The following ERBB4 variants were observed in gnomAD, a reference collection of about 807,000 sequenced individuals.
ERBB4 encodes erb-b2 receptor tyrosine kinase 4.
Under a neutral mutation model 158.0 loss-of-function variants are expected in ERBB4, and 42 were observed. That is an observed-to-expected ratio of 0.27 (90% confidence interval 0.21 to 0.34). ERBB4 has a LOEUF of 0.34. Ranked by LOEUF, ERBB4 falls within the 10% of genes least tolerant of loss-of-function variation. The probability of loss-of-function intolerance (pLI) is 1.00; values close to 1 mark genes in which losing one functional copy is unlikely to be tolerated. For synonymous variants in ERBB4, 583 were observed against 558.7 expected (o/e 1.04, Z -0.61); for missense variants, 1,333 against 1,624.1 (o/e 0.82, Z 3.08).
At chr2:212,052,893 C>A (rs1559393242) in intron 2 of ERBB4, among the ~76,000 whole-genome samples, 1 of 152,176 alleles carries the variant, frequency 6.6e-6, no homozygotes, top group Non-Finnish European at 1.5e-5. Context: ...TCTGTTCTCC[C>A]ATTTGACATC....
At position 211,657,847 on chromosome 2, in the gene ERBB4, C is replaced by A; in HGVS notation, c.1872-19G>T. On this transcript the variant is annotated intron_variant, in intron 15 of 27. Transcript: ENST00000342788. Reference sequence around the variant, plus strand: ...GTTACACCTGCAGGCAATTACAGAACAGAAAACATCATTCTCCATCCACAG... The same window carrying A: ...GTTACACCTGCAGGCAATTACAGAAAAGAAAACATCATTCTCCATCCACAG... 6.2e-7 allele frequency: 1 copy of A among 1,611,692 alleles called. No homozygotes were observed. Among genetic ancestry groups the A allele is most frequent in the South Asian group, 1.1e-5 (1 of 91,036 alleles).
chr2:211,502,419 T>C (rs2065640071), intron 20 of ERBB4, among the ~76,000 whole-genome samples: 2 of 152,192 alleles, frequency 1.3e-5, no homozygotes, highest in Admixed American at 1.3e-4. Flanking sequence ...TCATATTGAT[T>C]ACTCTTAACT....
intron 19 of ERBB4, among the ~76,000 whole-genome samples, chr2:211,587,289 A>T (rs1354843832): frequency 6.6e-6 from 1 of 152,112 alleles, no homozygotes; most frequent in South Asian, 2.1e-4. Flanking sequence ...CGGGAGGCAG[A>T]GGCTGCAGTG....
chr2:211,423,941 A>G (rs1474822768), intron 23 of ERBB4, among the ~76,000 whole-genome samples: 1 of 152,020 alleles, frequency 6.6e-6, no homozygotes, highest in Non-Finnish European at 1.5e-5. Context: ...GGAGATTATA[A>G]GAATAAAAGA....
At chr2:211,431,840 G>C (rs968790005) in intron 20 of ERBB4, among the ~76,000 whole-genome samples, 1 of 152,082 alleles carries the variant, frequency 6.6e-6, no homozygotes, top group Non-Finnish European at 1.5e-5. Flanking sequence ...TTAGCAGCAA[G>C]AGACATAGCT....
chr2:212,081,195 A>C (rs148126725), intron 2 of ERBB4, among the ~76,000 whole-genome samples: 161 of 152,258 alleles, frequency 1.1e-3, no homozygotes, highest in Non-Finnish European at 1.7e-3. Flanking sequence ...AGCAAATAAA[A>C]AGACGGGTGG....
intron 1 of ERBB4, among the ~76,000 whole-genome samples, chr2:212,512,347 T>A (rs1368407871): frequency 6.8e-6 from 1 of 147,876 alleles, no homozygotes; most frequent in Non-Finnish European, 1.5e-5. Context: ...TACACACAAA[T>A]ATATATATAT....
intron 4 of ERBB4, among the ~76,000 whole-genome samples, chr2:211,787,696 G>A (rs2076196191): frequency 6.6e-6 from 1 of 152,130 alleles, no homozygotes; most frequent in Admixed American, 6.6e-5. Context: ...ATGGGTCACA[G>A]AGACTTGAAG....
intron 5 of ERBB4, among the ~76,000 whole-genome samples, chr2:211,730,592 C>A (rs1484409159): frequency 6.6e-6 from 1 of 151,954 alleles, no homozygotes; most frequent in Non-Finnish European, 1.5e-5. Flanking sequence ...TACTGGAATT[C>A]TTCTGTAAGT....
At chr2:211,702,240 T>G in intron 11 of ERBB4, 74 bp from the exon 12 acceptor site, 1 of 1,107,328 alleles carries the variant, frequency 9.0e-7, no homozygotes, top group South Asian at 1.2e-5. Flanking sequence ...ACATTTTATT[T>G]TAAAAAGAAT....
intron 17 of ERBB4, among the ~76,000 whole-genome samples, chr2:211,627,856 T>G (rs1358213189): frequency 6.6e-6 from 1 of 152,174 alleles, no homozygotes; most frequent in African/African-American, 2.4e-5. Context: ...ACTATCTGCT[T>G]TTATGCTAGA....
intron 1 of ERBB4, among the ~76,000 whole-genome samples, chr2:212,420,961 C>A (rs2105904540): frequency 6.6e-6 from 1 of 152,210 alleles, no homozygotes; most frequent in Non-Finnish European, 1.5e-5. Flanking sequence ...TTGGTTTCTG[C>A]AAACTTGGAG....
chr2:212,156,756 A>G (rs1211947660), intron 1 of ERBB4, among the ~76,000 whole-genome samples: 1 of 152,068 alleles, frequency 6.6e-6, no homozygotes, highest in Non-Finnish European at 1.5e-5. Context: ...TTAGTGTATG[A>G]ACCTCCATCC....
At chr2:211,418,678 A>C (rs1297570594) in intron 25 of ERBB4, among the ~76,000 whole-genome samples, 1 of 152,104 alleles carries the variant, frequency 6.6e-6, no homozygotes, top group East Asian at 1.9e-4. Flanking sequence ...AAGAAAGAAA[A>C]ACTATTTTTT....
At chr2:211,468,607 A>C (rs1163505757) in intron 20 of ERBB4, among the ~76,000 whole-genome samples, 1 of 152,156 alleles carries the variant, frequency 6.6e-6, no homozygotes, top group Non-Finnish European at 1.5e-5. Flanking sequence ...GTCTACATAC[A>C]CCAACTCAGA....
intron 2 of ERBB4, among the ~76,000 whole-genome samples, chr2:212,116,851 T>C (rs1357377391): frequency 6.6e-6 from 1 of 152,210 alleles, no homozygotes; most frequent in African/African-American, 2.4e-5. Flanking sequence ...TTGATTTATC[T>C]TGTGGAATTT....
intron 20 of ERBB4, among the ~76,000 whole-genome samples, chr2:211,556,258 T>C (rs369677925): frequency 6.6e-6 from 1 of 152,214 alleles, no homozygotes; most frequent in East Asian, 1.9e-4. Context: ...TATATATGTG[T>C]GCAACACAGG....
At chr2:212,192,108 A>G (rs1474835310) in intron 1 of ERBB4, among the ~76,000 whole-genome samples, 6 of 97,194 alleles carry the variant, frequency 6.2e-5, no homozygotes, top group Admixed American at 4.0e-4. Flanking sequence ...GTTATATATT[A>G]TATATTATAT....
At chr2:212,308,890 T>A (rs991400998) in intron 1 of ERBB4, among the ~76,000 whole-genome samples, 6 of 151,002 alleles carry the variant, frequency 4.0e-5, no homozygotes, top group African/African-American at 1.5e-4. Context: ...AATAGTTAAC[T>A]AGGGGAAATA....
Sources: gnomAD v4.1 joint callset for allele counts (sites outside exome capture counted in the v4.1 genomes callset) on GRCh38, gnomAD v4.1.1 for gene constraint, MANE v1.5 for transcripts, NCBI Gene and HGNC (gene_info 2026-07-23, HGNC 2026-07-21) for gene names.